Variants in NOS1 observed in about 807,000 individuals in gnomAD.
NOS1 encodes the protein nitric oxide synthase 1, also known as NOS type I.
A neutral mutation model predicts 164.5 loss-of-function variants in NOS1; 51 were observed. The ratio of observed to expected loss-of-function variants is 0.31; its 90% confidence interval spans 0.25 to 0.39. NOS1 has a LOEUF of 0.39. NOS1 is among the 10% of genes least tolerant of loss of function. NOS1 has a pLI of 1.00. For synonymous variants in NOS1, 719 were observed against 745.8 expected (o/e 0.96, Z 0.59); for missense variants, 1,362 against 1,885.6 (o/e 0.72, Z 5.14).
chr12:117,352,979 C>G (rs1481888024), intron 1 of NOS1, among the ~76,000 whole-genome samples: 1 of 152,128 alleles, frequency 6.6e-6, no homozygotes, highest in Non-Finnish European at 1.5e-5. Flanking sequence ...ATTTTCATAT[C>G]TACCTACTTG....
rs9658481 is a variant in NOS1, at chr12:117,234,764, G to A, written c.3042-6C>T. ...GCACGAAGATAGTTGACCGACTGCA[G>A]GAAATTGCAGAGGAATCATAGGACA... On this transcript the variant is annotated splice_region_variant and splice_polypyrimidine_tract_variant and intron_variant, in intron 20 of 28. Transcript: ENST00000317775. The surrounding 1 kb of genome is among the most constrained non-coding windows in gnomAD (Gnocchi z 4.3). 5,465 of 1,604,272 alleles carry A rather than the reference G, an allele frequency of 3.4e-3. 164 individuals are homozygous for A. In the African/African-American group the frequency reaches 0.062, roughly 18 times the overall value.
intron 1 of NOS1, among the ~76,000 whole-genome samples, chr12:117,355,644 T>G (rs1375076754): frequency 2.0e-5 from 3 of 152,188 alleles, no homozygotes; most frequent in African/African-American, 7.2e-5. Context: ...TGAAGGGAGA[T>G]GCCCTTTAGT....
At chr12:117,360,599 C>T (rs1489349356) in intron 1 of NOS1, among the ~76,000 whole-genome samples, 1 of 152,160 alleles carries the variant, frequency 6.6e-6, no homozygotes, top group Non-Finnish European at 1.5e-5. Flanking sequence ...GAGGAGAGCG[C>T]AAGGAGGCTC....
At chr12:117,270,805 G>C (rs1409212099) in intron 10 of NOS1, among the ~76,000 whole-genome samples, 1 of 152,086 alleles carries the variant, frequency 6.6e-6, no homozygotes, top group Non-Finnish European at 1.5e-5. Flanking sequence ...GGAGGCCAAG[G>C]CGGGTGGATC....
At position 117,330,483 on chromosome 12, in the gene NOS1, A is replaced by C; in HGVS notation, c.587T>G (p.Leu196Arg). ...TTCATTGTTCTCCCCTCTGCCTTGGAGGCTGACTCTGGTTGCTTTCTTCGC... is the reference window on the plus strand; with the variant it reads ...TTCATTGTTCTCCCCTCTGCCTTGGCGGCTGACTCTGGTTGCTTTCTTCGC... ...DPAKKATRVS[L>R]QGRGENNELL... is the part of the protein sequence containing the mutation. The change falls in exon 2 of 29, where the codon CTC becomes CGC. Residue 196 changes from leucine (L) to arginine (R), a missense_variant. By Grantham distance (102) the Leu-to-Arg change is moderately radical. This residue lies in a region of NOS1 where 362 missense variants were observed against 402.0 expected (regional missense o/e 0.90). Coordinates refer to ENST00000317775, the MANE Select transcript of NOS1 (RefSeq NM_000620.5). This position sits in a 1 kb window ranked among gnomAD's most constrained non-coding sequence, Gnocchi z 4.6. 1 of 1,614,060 alleles carries C rather than the reference A, an allele frequency of 6.2e-7. No individual in the cohort carries two copies. The highest frequency in any genetic ancestry group is 8.5e-7 in the Non-Finnish European group (1 of 1,180,022).
intron 1 of NOS1, among the ~76,000 whole-genome samples, chr12:117,344,485 CATT>C (rs1168522575): frequency 6.6e-6 from 1 of 152,100 alleles, no homozygotes; most frequent in African/African-American, 2.4e-5. Context: ...CATGACATGA[CATT>C]ATAATTCCCA....
rs750517801 is a variant in NOS1, at chr12:117,268,030, G to T, written c.1941+13C>A. On this transcript the variant is annotated intron_variant, in intron 11 of 28. Transcript: ENST00000317775. ...TTGAAGCTTGACCCTGGTGGTGCGG[G>T]CCCTGGTGTTACCTGGAAGCTATAG... 18 of 1,578,446 alleles carry T rather than the reference G, an allele frequency of 1.1e-5. No homozygotes were observed. The Middle Eastern group carries it at 2.1e-3, about 187-fold the overall frequency.
intron 9 of NOS1, among the ~76,000 whole-genome samples, chr12:117,275,280 C>T (rs1249931142): frequency 6.6e-6 from 1 of 151,884 alleles, no homozygotes; most frequent in Non-Finnish European, 1.5e-5. Context: ...TTAATTCTCT[C>T]TCTCTCTCTC....
At chr12:117,311,371 T>G in intron 3 of NOS1, 95 bp downstream of exon 3, 9 of 1,394,754 alleles carry the variant, frequency 6.5e-6, no homozygotes, top group Middle Eastern at 2.2e-4. Flanking sequence ...CATGACACAG[T>G]TTAGGATTTA....
chr12:117,246,447 T>C (rs1181921645), intron 18 of NOS1, among the ~76,000 whole-genome samples: 1 of 152,202 alleles, frequency 6.6e-6, no homozygotes, highest in Non-Finnish European at 1.5e-5. Context: ...TATTTAATTT[T>C]GTACTGTATA....
intron 2 of NOS1, among the ~76,000 whole-genome samples, chr12:117,328,525 C>A (rs1012857532): frequency 1.3e-5 from 2 of 152,090 alleles, no homozygotes; most frequent in Admixed American, 1.3e-4. Flanking sequence ...TTTAAAAGTT[C>A]TCAATATTTC....
intron 22 of NOS1, 108 bp downstream of exon 22, chr12:117,231,854 G>C: frequency 2.5e-6 from 3 of 1,222,418 alleles, no homozygotes; most frequent in Non-Finnish European, 3.4e-6. Flanking sequence ...TGGCCCCCTT[G>C]GCTCAAGACT....
chr12:117,224,942 A>G, intron 25 of NOS1, 74 bp downstream of exon 25: 1 of 1,595,358 alleles, frequency 6.3e-7, no homozygotes, highest in South Asian at 1.1e-5. Context: ...ACTGTTCTCT[A>G]GGGCTGCTGA....
chr12:117,283,970 G>C (rs1468105804), intron 7 of NOS1, among the ~76,000 whole-genome samples: 1 of 151,866 alleles, frequency 6.6e-6, no homozygotes. Flanking sequence ...TTCTTTAAGG[G>C]GTGAGGTCTC....
intron 16 of NOS1, among the ~76,000 whole-genome samples, chr12:117,257,607 CTTTTTTTTTTTTTT>C (rs151304592): frequency 2.6e-3 from 258 of 99,138 alleles, no homozygotes; most frequent in Non-Finnish European, 3.7e-3. Context: ...TTGATTTTAG[CTTTTTTTTTTTTTT>C]TTTTTTTTTT....
intron 12 of NOS1, among the ~76,000 whole-genome samples, 160 bp from the exon 13 acceptor site, chr12:117,264,134 G>A (rs1190418450): frequency 2.3e-5 from 3 of 130,120 alleles, no homozygotes; most frequent in East Asian, 2.3e-4. Flanking sequence ...GAAGGGATGC[G>A]GGGTTGGGGG....
chr12:117,226,899 C>G, intron 23 of NOS1, 129 bp from the exon 24 acceptor site: 1 of 721,750 alleles, frequency 1.4e-6, no homozygotes, highest in Non-Finnish European at 2.4e-6. Context: ...CCCAGGATCC[C>G]TTCCTCTGAA....
chr12:117,265,956 A>G (rs1254194835), intron 11 of NOS1, among the ~76,000 whole-genome samples: 1 of 79,306 alleles, frequency 1.3e-5, no homozygotes. Context: ...ACGCCTGGCT[A>G]ATTTTTTTTT....
At chr12:117,331,702 C>A (rs376391089) in intron 1 of NOS1, among the ~76,000 whole-genome samples, 2 of 152,208 alleles carry the variant, frequency 1.3e-5, no homozygotes, top group Non-Finnish European at 2.9e-5. Flanking sequence ...CCTAGTTTCA[C>A]TTCCATGATC....
Sources: allele counts gnomAD v4.1 joint callset (sites outside exome capture counted in the v4.1 genomes callset), GRCh38; gene constraint gnomAD v4.1.1; regional missense constraint gnomAD v4.1.1; non-coding constraint Gnocchi (gnomAD v3.1); transcripts MANE v1.5; gene names NCBI Gene and HGNC (gene_info 2026-07-23, HGNC 2026-07-21).